Variants in ZNF304 observed in about 807,000 individuals in gnomAD.
The protein encoded by ZNF304 is KRAB-containing zinc finger protein.
Under a neutral mutation model 7.8 loss-of-function variants are expected in ZNF304, and 7 were observed. The observed-to-expected ratio is 0.90, with a 90% CI of 0.51 to 1.69. The LOEUF (loss-of-function observed/expected upper bound fraction) is 1.69, where lower values mean the gene tolerates loss of function less well. ZNF304 is among the 40% of genes most tolerant of loss of function. ZNF304 has a pLI of 0.00. For synonymous variants in ZNF304, 280 were observed against 272.4 expected, an observed-to-expected ratio of 1.03 and a Z score of -0.27; for missense variants, 669 against 804.8, an observed-to-expected ratio of 0.83 and a Z score of 2.04.
chr19:57,351,706 G>A lies in ZNF304; in HGVS notation c.33+9G>A, dbSNP rs1360551676. ...TGATGGACCGGGTTCAGGTGAGTGG[G>A]GGCATCCCTCAAGCGCACCCCGGCC... On this transcript the variant is annotated intron_variant, in intron 1 of 2. Coordinates refer to ENST00000282286, the MANE Select transcript of ZNF304 (RefSeq NM_020657.4). The surrounding 1 kb of genome is among the most constrained non-coding windows in gnomAD (Gnocchi z 4.1). The A allele has an allele frequency of 1.9e-6, 3 of 1,611,078 alleles. No homozygotes were observed. Among genetic ancestry groups the A allele is most frequent in the South Asian group, 2.2e-5 (2 of 90,706 alleles).
Position 57,351,697 on chromosome 19 carries a change from G to A in ZNF304, c.33G>A (p.Gln11=). ...CGGCGGTGCTGATGGACCGGGTTCA[G>A]GTGAGTGGGGGCATCCCTCAAGCGC... The part of the protein sequence containing the change: MAAAVLMDRV[Q]SCVTFEDVFV... The change falls in exon 1 of 3, where the codon CAG becomes CAA. Residue 11 remains glutamine, a splice_region_variant and synonymous_variant. Transcript: ENST00000282286. The surrounding 1 kb of genome is among the most constrained non-coding windows in gnomAD (Gnocchi z 4.1). The A allele has an allele frequency of 1.2e-6, 2 of 1,611,978 alleles. No homozygotes were observed. Among genetic ancestry groups the A allele is most frequent in the Non-Finnish European group, 1.7e-6 (2 of 1,178,918 alleles).
chr19:57,351,867 C>A lies in ZNF304; in HGVS notation c.33+170C>A. On this transcript the variant is annotated intron_variant, in intron 1 of 2. Transcript: ENST00000282286. This position sits in a 1 kb window ranked among gnomAD's most constrained non-coding sequence, Gnocchi z 4.1. ...CGGACTCGAAGGCGCAGGGGCAGTT[C>A]GTACAAATGCATGCATGGAGAGGAG... The A allele has an allele frequency of 1.6e-6, 1 of 629,664 alleles. No individual in the cohort carries two copies. The highest frequency in any genetic ancestry group is 2.7e-6 in the Non-Finnish European group (1 of 377,352). The allele number at this position is 629,664 out of a possible 1,614,324, so 39.0% of individuals were successfully genotyped here.
At position 57,351,930 on chromosome 19, in the gene ZNF304, G is replaced by T; in HGVS notation, c.33+233G>T. ...GAGTTCCGGGAACTCTCTGTGCCTG[G>T]TGAGAACAGGGACTAGGGGGTCAGA... On this transcript the variant is annotated intron_variant, in intron 1 of 2. Transcript: ENST00000282286. This position sits in a 1 kb window ranked among gnomAD's most constrained non-coding sequence, Gnocchi z 4.1. The T allele has an allele frequency of 1.9e-6, 1 of 514,780 alleles. No homozygotes were observed. The highest frequency in any genetic ancestry group is 3.4e-6 in the Non-Finnish European group (1 of 293,030). 31.9% of individuals were successfully genotyped at this position (514,780 alleles called of 1,614,324 possible). A position where few individuals can be genotyped will look rare whatever the true frequency, so the allele number is the denominator to read the frequency against.
In ZNF304 at chr19:57,356,880, C is replaced by T; in HGVS notation, c.1011C>T (p.Cys337=). Residue 337 remains cysteine (C), a synonymous_variant, in exon 3 of 3, where the codon TGC becomes TGT. Coordinates refer to ENST00000282286, the MANE Select transcript of ZNF304 (RefSeq NM_020657.4). ...ACACTGGAGAAAGATCTTATGACTG[C>T]AGTGAATGTGGAAAAGCCTACAGCA... The part of the protein sequence containing the change: ...RVHTGERSYD[C]SECGKAYSRS... The T allele has an allele frequency of 1.2e-6, 2 of 1,614,032 alleles. No individual in the cohort carries two copies. Among genetic ancestry groups the T allele is most frequent in the Non-Finnish European group, 1.7e-6 (2 of 1,180,010 alleles).
Position 57,357,325 on chromosome 19 carries a change from C to T in ZNF304, c.1456C>T (p.Arg486Cys), listed in dbSNP as rs1321790567. ...ECSECGKAFS[R>C]KDTLVQHQKI... ...CAGTGAATGTGGGAAGGCCTTCAGCCGTAAAGACACACTTGTGCAACACCA... is the reference window on the plus strand; with the variant it reads ...CAGTGAATGTGGGAAGGCCTTCAGCTGTAAAGACACACTTGTGCAACACCA... The change falls in exon 3 of 3, where the codon CGT (arginine) becomes TGT (cysteine). Residue 486 changes from arginine to cysteine, a missense_variant. By Grantham distance (180) the Arg-to-Cys change is radical. Transcript: ENST00000282286. 9.3e-6 allele frequency: 15 copies of T among 1,609,872 alleles called. No individual in the cohort carries two copies. Among genetic ancestry groups the T allele is most frequent in the African/African-American group, 1.4e-5 (1 of 73,280 alleles).
Position 57,351,813 on chromosome 19 carries a change from TC to T in ZNF304, c.33+120del. 1.7e-6 allele frequency: 2 copies of T among 1,176,912 alleles called. No individual in the cohort carries two copies. Among genetic ancestry groups the T allele is most frequent in the Admixed American group, 4.5e-5 (2 of 44,780 alleles). 72.9% of individuals were successfully genotyped at this position (1,176,912 alleles called of 1,614,324 possible). A position where few individuals can be genotyped will look rare whatever the true frequency, so the allele number is the denominator to read the frequency against. ...GTCGCATTATGTGGAGGGGTTCCGC[TC>T]CCCTCATCAGTGGCATAAGGTGTGG... On this transcript the variant is annotated intron_variant, in intron 1 of 2. Coordinates refer to ENST00000282286, the MANE Select transcript of ZNF304 (RefSeq NM_020657.4). The surrounding 1 kb of genome is among the most constrained non-coding windows in gnomAD (Gnocchi z 4.1).
At chr19:57,353,952 T>G in intron 2 of ZNF304, 101 bp downstream of exon 2, 1 of 974,994 alleles carries the variant, frequency 1.0e-6, no homozygotes, top group Non-Finnish European at 1.5e-6. Context: ...TTTCAGTGCA[T>G]TGGTAATCTG....
Position 57,356,046 on chromosome 19 carries a change from A to C in ZNF304, c.177A>C (p.Ala59=). The change falls in exon 3 of 3, where the codon GCA becomes GCC. Residue 59 remains alanine, a synonymous_variant. Coordinates refer to ENST00000282286, the MANE Select transcript of ZNF304 (RefSeq NM_020657.4). The part of the protein sequence containing the change: ...LVATLGFWCE[A]EHEAPSEQSV... ...TGCTTTCAGGTTTTTGGTGTGAAGC[A>C]GAACATGAGGCACCTTCTGAGCAGA... 1 of 1,602,650 alleles carries C rather than the reference A, an allele frequency of 6.2e-7. No homozygotes were observed. Among genetic ancestry groups the C allele is most frequent in the East Asian group, 2.2e-5 (1 of 44,646 alleles).
At chr19:57,355,914 T>C in intron 2 of ZNF304, 116 bp from the exon 3 acceptor site, 1 of 1,212,450 alleles carries the variant, frequency 8.2e-7, no homozygotes, top group Non-Finnish European at 1.2e-6. Context: ...ATCCTGGCCC[T>C]CTTGTCCTGC....
rs769179135 is a variant in ZNF304 at position 57,357,003 on chromosome 19, T to G, written c.1134T>G (p.Leu378=). The G allele has an allele frequency of 6.2e-7, 1 of 1,609,122 alleles. No individual in the cohort carries two copies. Among genetic ancestry groups the G allele is most frequent in the Admixed American group, 1.7e-5 (1 of 59,920 alleles). ...CGKAFSRKDT[L]VQHQRFHTGE... ...AAGCCTTTAGCCGTAAAGACACACT[T>G]GTTCAGCACCAGAGATTTCATACTG... is the stretch of plus-strand genomic sequence containing the variant. Residue 378 remains leucine, a synonymous_variant, in exon 3 of 3, where the codon CTT becomes CTG. Coordinates refer to ENST00000282286, the MANE Select transcript of ZNF304 (RefSeq NM_020657.4).
Position 57,357,763 on chromosome 19 carries a change from C to T in ZNF304, c.1894C>T (p.Arg632Cys). Residue 632 changes from arginine (R) to cysteine (C), a missense_variant, in exon 3 of 3, where the codon CGT becomes TGT. By Grantham distance (180) the Arg-to-Cys change is radical. Coordinates refer to ENST00000282286, the MANE Select transcript of ZNF304 (RefSeq NM_020657.4). ...CTATAGCAGAAGCTCCCATCTTGTTCGTCACCAGAAAGCTCACACTGGAGA... is the reference window on the plus strand; with the variant it reads ...CTATAGCAGAAGCTCCCATCTTGTTTGTCACCAGAAAGCTCACACTGGAGA... ...KAYSRSSHLV[R>C]HQKAHTGERA... 6.2e-7 allele frequency: 1 copy of T among 1,614,194 alleles called. No individual in the cohort carries two copies. The highest frequency in any genetic ancestry group is 1.1e-5 in the South Asian group (1 of 91,076).
At position 57,357,866 on chromosome 19, in the gene ZNF304, C is replaced by A; in HGVS notation, c.*17C>A. The stretch of plus-strand genomic sequence containing the variant: ...CTTGTTTAACACCAGAAAATTCACA[C>A]AAGAGAAAGGCCTTATGAATGCAGA... On this transcript the variant is annotated 3_prime_UTR_variant, in exon 3 of 3. Coordinates refer to ENST00000282286, the MANE Select transcript of ZNF304 (RefSeq NM_020657.4). The A allele has an allele frequency of 1.3e-6, 2 of 1,575,948 alleles. No individual in the cohort carries two copies. Among genetic ancestry groups the A allele is most frequent in the Non-Finnish European group, 8.6e-7 (1 of 1,164,548 alleles).
chr19:57,355,911 C>CCTGCCAACTG (rs1158843235), intron 2 of ZNF304, 119 bp from the exon 3 acceptor site: 31 of 1,145,266 alleles, frequency 2.7e-5, no homozygotes, highest in Non-Finnish European at 3.6e-5. Context: ...CTGATCCTGG[C>CCTGCCAACTG]CCTCTTGTCC....
chr19:57,353,577 T>G, intron 1 of ZNF304, 148 bp from the exon 2 acceptor site: 1 of 1,091,616 alleles, frequency 9.2e-7, no homozygotes, highest in South Asian at 2.1e-5. Context: ...GAGCAGACAC[T>G]AGTGGTGCCA....
In ZNF304 at chr19:57,357,681, G is replaced by A. The variant is rs1269216164; in HGVS notation, c.1812G>A (p.Leu604=). ...KFFSRNSGLI[L]HQRVHTGEKP... is the part of the protein sequence containing the mutation. ...TTAGCCGCAACTCTGGCCTCATTCT[G>A]CACCAGAGGGTTCACACTGGAGAAA... The change falls in exon 3 of 3, where the codon CTG becomes CTA. Residue 604 remains leucine, a synonymous_variant. Coordinates refer to ENST00000282286, the MANE Select transcript of ZNF304 (RefSeq NM_020657.4). 6.2e-7 allele frequency: 1 copy of A among 1,614,138 alleles called. No homozygotes were observed. The highest frequency in any genetic ancestry group is 2.2e-5 in the East Asian group (1 of 44,878).
rs1412253819 is a variant in ZNF304, at chr19:57,356,375, G to A, written c.506G>A (p.Cys169Tyr). ...CACATGTTAGGGAGATCCTTTACGT[G>A]CAGGGAGGAAGGGATGGACTTACCA... ...TVHMLGRSFT[C>Y]REEGMDLPDS... The change falls in exon 3 of 3, where the codon TGC becomes TAC. Residue 169 changes from cysteine to tyrosine, a missense_variant. Transcript: ENST00000282286. 6 of 1,614,198 alleles carry A rather than the reference G, an allele frequency of 3.7e-6. No individual in the cohort carries two copies. The highest frequency in any genetic ancestry group is 2.2e-5 in the East Asian group (1 of 44,882).
In ZNF304 at chr19:57,358,986, G is replaced by C. The variant is rs1166789790; in HGVS notation, c.*1137G>C. ...TTGCTACAGAAGCACTGAGATAATG[G>C]AGTGGGGATGACTGTGGCAAACAAA... On this transcript the variant is annotated 3_prime_UTR_variant, in exon 3 of 3. Transcript: ENST00000282286. 6.6e-6 allele frequency: 1 copy of C among 152,180 alleles called. No individual in the cohort carries two copies. The highest frequency in any genetic ancestry group is 2.4e-5 in the African/African-American group (1 of 41,438). The allele number at this position is 152,180 out of a possible 1,614,324, so 9.4% of individuals were successfully genotyped here. A position where few individuals can be genotyped will look rare whatever the true frequency, so the allele number is the denominator to read the frequency against.
chr19:57,356,764 A>C lies in ZNF304; in HGVS notation c.895A>C (p.Lys299Gln). ...CTTGCACCACCTAAAAATGCACCAG[A>C]AATTTCACACTGGAAAAAGACACTA... is the stretch of plus-strand genomic sequence containing the variant. The part of the protein sequence containing the change: ...IHLHHLKMHQ[K>Q]FHTGKRHYTC... The change falls in exon 3 of 3, where the codon AAA becomes CAA. Residue 299 changes from lysine to glutamine, a missense_variant. Transcript: ENST00000282286. The C allele has an allele frequency of 6.2e-7, 1 of 1,614,234 alleles. No homozygotes were observed. Among genetic ancestry groups the C allele is most frequent in the Non-Finnish European group, 8.5e-7 (1 of 1,180,040 alleles).
chr19:57,357,888 C>G lies in ZNF304; in HGVS notation c.*39C>G. 4 of 1,549,930 alleles carry G rather than the reference C, an allele frequency of 2.6e-6. No homozygotes were observed. Among genetic ancestry groups the G allele is most frequent in the Non-Finnish European group, 3.5e-6 (4 of 1,152,854 alleles). ...ACACAAGAGAAAGGCCTTATGAATG[C>G]AGAAAATATGTCATCTTGTTCATCC... On this transcript the variant is annotated 3_prime_UTR_variant, in exon 3 of 3. Transcript: ENST00000282286.
Sources: gnomAD v4.1 joint callset for allele counts on GRCh38, gnomAD v4.1.1 for gene constraint, Gnocchi (gnomAD v3.1) non-coding constraint, MANE v1.5 for transcripts, NCBI Gene and HGNC (gene_info 2026-07-23, HGNC 2026-07-21) for gene names.